DBNL: variants seen among roughly 807,000 people sequenced by gnomAD.
DBNL encodes the protein drebrin like, also known as drebrin-like protein.
DBNL carries 35 observed loss-of-function variants against 62.2 expected under a neutral mutation model. The ratio of observed to expected loss-of-function variants is 0.56; its 90% CI spans 0.43 to 0.75. DBNL has a LOEUF of 0.75. Ranked by LOEUF, DBNL falls within the 30% of genes least tolerant of loss-of-function variation. The probability of loss-of-function intolerance (pLI) is 0.00; values close to 1 mark genes in which losing one functional copy is unlikely to be tolerated. For missense variants in DBNL, 495 were observed against 578.4 expected (o/e 0.86, Z 1.48); for synonymous variants, 197 against 218.0 (o/e 0.90, Z 0.85).
intron 1 of DBNL, among the ~76,000 whole-genome samples, chr7:44,048,683 C>G (rs1266571237): frequency 6.6e-6 from 1 of 152,230 alleles, no homozygotes; most frequent in African/African-American, 2.4e-5. Context: ...CTCAGCAGGC[C>G]TGTGCTTTAG....
Position 44,061,203 on chromosome 7 carries a change from G to A in DBNL, c.*287G>A. 1 of 431,142 alleles carries A rather than the reference G, an allele frequency of 2.3e-6. No individual in the cohort carries two copies. Among genetic ancestry groups the A allele is most frequent in the Non-Finnish European group, 4.2e-6 (1 of 238,294 alleles). 26.7% of individuals were successfully genotyped at this position (431,142 alleles called of 1,614,324 possible). ...CCCTGCCTGTGGCCAAGCCCTGAGT[G>A]GCCACTGCCAAGCTGCGGGGAAGGG... On this transcript the variant is annotated 3_prime_UTR_variant, in exon 13 of 13. Coordinates refer to ENST00000448521, the MANE Select transcript of DBNL (RefSeq NM_001014436.3).
At chr7:44,047,122 T>C (rs567843231) in intron 1 of DBNL, among the ~76,000 whole-genome samples, 129 of 152,208 alleles carry the variant, frequency 8.5e-4, no homozygotes, top group Non-Finnish European at 1.7e-3. Flanking sequence ...TTCCCATCTT[T>C]CTGTTTGACT....
chr7:44,057,682 C>T (rs1020453976), intron 5 of DBNL, 100 bp from the exon 6 acceptor site: 18 of 1,313,924 alleles, frequency 1.4e-5, no homozygotes, highest in Non-Finnish European at 2.0e-5. Context: ...TAGCAGCACT[C>T]ACCTGTGCTG....
At chr7:44,050,499 A>C (rs113233809) in intron 2 of DBNL, 57 of 455,246 alleles carry the variant, frequency 1.3e-4, no homozygotes, top group African/African-American at 8.2e-4. Context: ...CTCTTTGTCT[A>C]CTTGGGGAGA....
chr7:44,060,796 C>G lies in DBNL; in HGVS notation c.1173C>G (p.Ser391=). The G allele has an allele frequency of 1.9e-6, 3 of 1,614,060 alleles. No homozygotes were observed. Among genetic ancestry groups the G allele is most frequent in the Non-Finnish European group, 2.5e-6 (3 of 1,179,974 alleles). ...DYQAADDTEI[S]FDPENLITGI... is the part of the protein sequence containing the mutation. ...TTGCAGCCGACGACACAGAGATCTC[C>G]TTTGACCCCGAGAACCTCATCACGG... Residue 391 remains serine (S), a synonymous_variant, in exon 13 of 13, where the codon TCC becomes TCG. Transcript: ENST00000448521. The surrounding 1 kb of genome is among the most constrained non-coding windows in gnomAD (Gnocchi z 6.3).
At position 44,064,818 on chromosome 7, in the gene DBNL, G is replaced by T; in HGVS notation, c.*3902G>T. The T allele has an allele frequency of 7.5e-7, 1 of 1,326,914 alleles. No individual in the cohort carries two copies. The highest frequency in any genetic ancestry group is 1.0e-6 in the Non-Finnish European group (1 of 963,564). 82.2% of individuals were successfully genotyped at this position (1,326,914 alleles called of 1,614,324 possible). A position where few individuals can be genotyped will look rare whatever the true frequency, so the allele number is the denominator to read the frequency against. ...GCCCACCCACCCTGCCCAGGCTCCT[G>T]AAGGTGGCCTCACCTTCCAGGTGCT... is the stretch of plus-strand genomic sequence containing the variant. On this transcript the variant is annotated 3_prime_UTR_variant, in exon 13 of 13. Coordinates refer to ENST00000448521, the MANE Select transcript of DBNL (RefSeq NM_001014436.3).
chr7:44,050,268 G>T lies in DBNL; in HGVS notation c.127G>T (p.Ala43Ser), dbSNP rs553971636. 2 of 1,613,718 alleles carry T rather than the reference G, an allele frequency of 1.2e-6. No individual in the cohort carries two copies. Among genetic ancestry groups the T allele is most frequent in the East Asian group, 2.2e-5 (1 of 44,870 alleles). Reference protein sequence around the residue: ...YEGNSNDIRVAGTGEGGLEEM... With the variant: ...YEGNSNDIRVSGTGEGGLEEM... ...AGGCAACAGCAATGACATCCGCGTGGCTGGCACAGGGGGTGAGTATGACTC... is the reference window on the plus strand; with the variant it reads ...AGGCAACAGCAATGACATCCGCGTGTCTGGCACAGGGGGTGAGTATGACTC... The change falls in exon 2 of 13, where the codon GCT (alanine) becomes TCT (serine). Residue 43 changes from alanine (A) to serine (S), a missense_variant. Physicochemically the swap from Ala to Ser is moderately conservative, Grantham distance 99 (BLOSUM62 1). Transcript: ENST00000448521.
intron 1 of DBNL, chr7:44,050,000 A>C: frequency 2.0e-6 from 1 of 490,086 alleles, no homozygotes; most frequent in Non-Finnish European, 3.8e-6. Context: ...ACCCCATGGT[A>C]AGTCAGGCCA....
Position 44,066,604 on chromosome 7 carries a change from G to A in DBNL, c.*5688G>A, listed in dbSNP as rs1267066064. On this transcript the variant is annotated 3_prime_UTR_variant, in exon 13 of 13. Transcript: ENST00000448521. Reference sequence around the variant, plus strand: ...GATAACAGGAGCGGGTAGGTGAGAGGCCAGCAGAGGGACCACCACTCTGAG... The same window carrying A: ...GATAACAGGAGCGGGTAGGTGAGAGACCAGCAGAGGGACCACCACTCTGAG... 6.6e-6 allele frequency: 1 copy of A among 152,298 alleles called. No individual in the cohort carries two copies. Among genetic ancestry groups the A allele is most frequent in the Non-Finnish European group, 1.5e-5 (1 of 68,066 alleles). 9.4% of individuals were successfully genotyped at this position (152,298 alleles called of 1,614,324 possible). A position where few individuals can be genotyped will look rare whatever the true frequency, so the allele number is the denominator to read the frequency against.
Position 44,059,710 on chromosome 7 carries a change from C to A in DBNL, c.1047+52C>A. 1 of 1,500,900 alleles carries A rather than the reference C, an allele frequency of 6.7e-7. No individual in the cohort carries two copies. Among genetic ancestry groups the A allele is most frequent in the Non-Finnish European group, 8.9e-7 (1 of 1,119,820 alleles). 93.0% of individuals were successfully genotyped at this position (1,500,900 alleles called of 1,614,324 possible). On this transcript the variant is annotated intron_variant, in intron 11 of 12. Transcript: ENST00000448521. The surrounding 1 kb of genome is among the most constrained non-coding windows in gnomAD (Gnocchi z 4.1). ...CAGGAAGGGGCTGCATACTCAGGAA[C>A]ACTTATCACGGGCCGCCTGAGTTTT...
intron 3 of DBNL, 73 bp from the exon 4 acceptor site, chr7:44,052,794 G>A (rs2096128914): frequency 6.4e-7 from 1 of 1,566,462 alleles, no homozygotes; most frequent in African/African-American, 1.4e-5. Flanking sequence ...ACACAGGGTA[G>A]ATGTTGGGTC....
In DBNL at chr7:44,065,672, C is replaced by G; in HGVS notation, c.*4756C>G. The stretch of plus-strand genomic sequence containing the variant: ...CCAGGCGGTGGCAGGTGACCAGTAG[C>G]TGAGCTGCTGGGGGCTGGGGGCCAG... On this transcript the variant is annotated 3_prime_UTR_variant, in exon 13 of 13. Transcript: ENST00000448521. The G allele has an allele frequency of 1.3e-6, 1 of 792,970 alleles. No individual in the cohort carries two copies. Among genetic ancestry groups the G allele is most frequent in the Non-Finnish European group, 2.1e-6 (1 of 473,340 alleles). 49.1% of individuals were successfully genotyped at this position (792,970 alleles called of 1,614,324 possible).
Position 44,059,701 on chromosome 7 carries a change from A to C in DBNL, c.1047+43A>C. ...GGCTGGGGCCAGGAAGGGGCTGCATACTCAGGAACACTTATCACGGGCCGC... is the reference window on the plus strand; with the variant it reads ...GGCTGGGGCCAGGAAGGGGCTGCATCCTCAGGAACACTTATCACGGGCCGC... On this transcript the variant is annotated intron_variant, in intron 11 of 12. Coordinates refer to ENST00000448521, the MANE Select transcript of DBNL (RefSeq NM_001014436.3). The surrounding 1 kb of genome is among the most constrained non-coding windows in gnomAD (Gnocchi z 4.1). The C allele has an allele frequency of 1.3e-6, 2 of 1,518,610 alleles. No homozygotes were observed. The highest frequency in any genetic ancestry group is 1.8e-6 in the Non-Finnish European group (2 of 1,132,006). The allele number at this position is 1,518,610 out of a possible 1,614,324, so 94.1% of individuals were successfully genotyped here.
chr7:44,060,065 T>C lies in DBNL; in HGVS notation c.1065T>C (p.Ala355=), dbSNP rs11552797. The change falls in exon 12 of 13, where the codon GCT becomes GCC. Residue 355 remains alanine (A), a synonymous_variant. Transcript: ENST00000448521. The surrounding 1 kb of genome is among the most constrained non-coding windows in gnomAD (Gnocchi z 6.3). ...CTGGGCAGGTGCAGCAGCAAGGTGC[T>C]GGCTCTGAGCACATTGACCACCACA... The part of the protein sequence containing the change: ...EQPPLVQQQG[A]GSEHIDHHIQ... The C allele has an allele frequency of 0.24, 394,320 of 1,612,818 alleles. 50,760 individuals are homozygous for C. The highest frequency in any genetic ancestry group is 0.42 in the African/African-American group (31,752 of 74,920).
At chr7:44,045,042 G>A (rs976192318) in intron 1 of DBNL, among the ~76,000 whole-genome samples, 1 of 152,144 alleles carries the variant, frequency 6.6e-6, no homozygotes, top group South Asian at 2.1e-4. Context: ...AACCCGGCTT[G>A]GGGGGACCCA....
At chr7:44,055,725 G>T (rs939638593) in intron 4 of DBNL, among the ~76,000 whole-genome samples, 1 of 152,142 alleles carries the variant, frequency 6.6e-6, no homozygotes. Flanking sequence ...AGAAATATCT[G>T]TTAAGGTCTT....
Position 44,044,780 on chromosome 7 carries a change from G to T in DBNL, c.43G>T (p.Ala15Ser). ...CCGGAACGGGCCAGCGCTGCAAGAG[G>T]CCTACGTGCGGGTGGTCACCGAGAA... ...LSRNGPALQE[A>S]YVRVVTEKSP... The change falls in exon 1 of 13, where the codon GCC (alanine) becomes TCC (serine). Residue 15 changes from alanine (A) to serine (S), a missense_variant. Ala to Ser is a moderately conservative substitution (Grantham distance 99, BLOSUM62 1). Coordinates refer to ENST00000448521, the MANE Select transcript of DBNL (RefSeq NM_001014436.3). The T allele has an allele frequency of 4.0e-6, 6 of 1,504,196 alleles. No individual in the cohort carries two copies. Among genetic ancestry groups the T allele is most frequent in the Non-Finnish European group, 4.4e-6 (5 of 1,127,190 alleles). 93.2% of individuals were successfully genotyped at this position (1,504,196 alleles called of 1,614,324 possible).
At position 44,062,899 on chromosome 7, in the gene DBNL, G is replaced by A. The variant is rs1585999759; in HGVS notation, c.*1983G>A. 1 of 1,614,216 alleles carries A rather than the reference G, an allele frequency of 6.2e-7. No homozygotes were observed. Among genetic ancestry groups the A allele is most frequent in the Non-Finnish European group, 8.5e-7 (1 of 1,180,042 alleles). On this transcript the variant is annotated 3_prime_UTR_variant, in exon 13 of 13. Transcript: ENST00000448521. ...ACACAATGGGGATCCCCGTGGGCAG[G>A]TTCAGCTCCATGATCGCCTGGTCTG...
chr7:44,064,793 G>GGCCCCCCCCCCCAC lies in DBNL; in HGVS notation c.*3877_*3878insGCCCCCCCCCCCAC. The GGCCCCCCCCCCCAC allele has an allele frequency of 1.8e-6, 2 of 1,136,970 alleles. No homozygotes were observed. Among genetic ancestry groups the GGCCCCCCCCCCCAC allele is most frequent in the African/African-American group, 1.5e-5 (1 of 66,158 alleles). The allele number at this position is 1,136,970 out of a possible 1,614,324, so 70.4% of individuals were successfully genotyped here. On this transcript the variant is annotated 3_prime_UTR_variant, in exon 13 of 13. Transcript: ENST00000448521. The stretch of plus-strand genomic sequence containing the variant: ...AGATGAGAAGCCAGCTGGGGCTGCT[G>GGCCCCCCCCCCCAC]CCCACCCACCCTGCCCAGGCTCCTG...
Sources: allele counts gnomAD v4.1 joint callset (sites outside exome capture counted in the v4.1 genomes callset), GRCh38; gene constraint gnomAD v4.1.1; non-coding constraint Gnocchi (gnomAD v3.1); transcripts MANE v1.5; gene names NCBI Gene and HGNC (gene_info 2026-07-23, HGNC 2026-07-21).